POTEC: variants seen among roughly 807,000 people sequenced by gnomAD.
The protein encoded by POTEC is ANKRD26-like family B member 2.
A neutral mutation model predicts 62.0 loss-of-function variants in POTEC; 35 were observed. The observed-to-expected ratio is 0.56, with a 90% CI of 0.43 to 0.75. POTEC has a LOEUF of 0.75. Among genes scored for constraint, POTEC ranks in the 30% least tolerant of loss-of-function variants. The pLI is 0.00. For synonymous variants in POTEC, 156 were observed against 221.5 expected, an observed-to-expected ratio of 0.70 and a Z score of 2.62; for missense variants, 472 against 655.9, an observed-to-expected ratio of 0.72 and a Z score of 3.06.
intron 9 of POTEC, among the ~76,000 whole-genome samples, chr18:14,515,088 C>T (rs1567909746): frequency 1.3e-5 from 2 of 152,002 alleles, no homozygotes; most frequent in African/African-American, 4.8e-5. Flanking sequence ...TTCTATGTTC[C>T]TGGACTGAAA....
intron 9 of POTEC, among the ~76,000 whole-genome samples, chr18:14,516,322 A>G (rs1457142671): frequency 3.4e-4 from 25 of 73,034 alleles, no homozygotes; most frequent in Non-Finnish European, 6.3e-4. Flanking sequence ...ATATATATAT[A>G]TATATATATA....
In POTEC at chr18:14,543,315, G is replaced by A. The variant is rs373560886; in HGVS notation, c.-169C>T. 2 of 1,244,610 alleles carry A rather than the reference G, an allele frequency of 1.6e-6. No individual in the cohort carries two copies. Among genetic ancestry groups the A allele is most frequent in the Non-Finnish European group, 1.1e-6 (1 of 907,654 alleles). 77.1% of individuals were successfully genotyped at this position (1,244,610 alleles called of 1,614,324 possible). ...GGGAGCCCAGTCCACCCCACCCAGG[G>A]AAAACCCACACCCACCCGGGGAAAG... On this transcript the variant is annotated 5_prime_UTR_variant, in exon 1 of 11. Transcript: ENST00000358970.
intron 8 of POTEC, 135 bp from the exon 9 acceptor site, chr18:14,522,555 T>C (rs970897480): frequency 5.7e-6 from 8 of 1,399,344 alleles, no homozygotes; most frequent in African/African-American, 4.4e-5. Context: ...AATTTGATCA[T>C]ATATACAGAA....
At chr18:14,515,653 CAAAT>C (rs148381303) in intron 9 of POTEC, among the ~76,000 whole-genome samples, 20,171 of 149,336 alleles carry the variant, frequency 0.14, 1,490 homozygotes, top group Non-Finnish European at 0.16. Flanking sequence ...AATAAATAAA[CAAAT>C]AAATAAATAA....
At chr18:14,525,101 A>G in intron 6 of POTEC, 118 bp from the exon 7 acceptor site, 1 of 1,445,722 alleles carries the variant, frequency 6.9e-7, no homozygotes, top group Non-Finnish European at 9.3e-7. Context: ...TTGAGTGTTT[A>G]GTCTTTCATG....
In POTEC at chr18:14,537,197, ACACACACAC is replaced by A. The variant is rs1297872279; in HGVS notation, c.810+595_810+603del. Among the ~76,000 whole-genome samples the A allele has an allele frequency of 1.6e-3, 138 of 84,668 alleles. 1 individual carries two copies. Among genetic ancestry groups the A allele is most frequent in the African/African-American group, 0.01 (135 of 13,334 alleles). 55.5% of individuals were successfully genotyped at this position (84,668 alleles called of 152,430 possible). A position where few individuals can be genotyped will look rare whatever the true frequency, so the allele number is the denominator to read the frequency against. ...AACACACACACACACACACACACAC[ACACACACAC>A]ACACAAAAAAAAAAAAAAACAAAAA... On this transcript the variant is annotated intron_variant, in intron 3 of 10. Transcript: ENST00000358970.
intron 3 of POTEC, among the ~76,000 whole-genome samples, chr18:14,535,484 C>T (rs1202372843): frequency 6.6e-6 from 1 of 152,012 alleles, no homozygotes; most frequent in African/African-American, 2.4e-5. Flanking sequence ...ATCACACTGC[C>T]CATTTCAAGA....
intron 1 of POTEC, among the ~76,000 whole-genome samples, chr18:14,539,888 G>A (rs1905874585): frequency 6.6e-6 from 1 of 152,110 alleles, no homozygotes; most frequent in Admixed American, 6.5e-5. Context: ...AGGATCCTGA[G>A]AGATGGCAGA....
intron 6 of POTEC, among the ~76,000 whole-genome samples, chr18:14,529,737 TAGA>T (rs1206566796): frequency 6.6e-6 from 1 of 152,056 alleles, no homozygotes; most frequent in Non-Finnish European, 1.5e-5. Context: ...GACCAGCAGG[TAGA>T]AGAACACATC....
intron 1 of POTEC, among the ~76,000 whole-genome samples, chr18:14,539,726 G>A (rs1164322888): frequency 1.3e-5 from 2 of 151,892 alleles, no homozygotes; most frequent in East Asian, 3.9e-4. Flanking sequence ...GGGCAGTTAA[G>A]GGTTATCTTT....
chr18:14,531,868 A>G (rs1440118247), intron 5 of POTEC: 1 of 151,714 alleles, frequency 6.6e-6, no homozygotes, highest in African/African-American at 2.4e-5. Context: ...TACTTAACCT[A>G]CTTGAGATTC....
At chr18:14,533,635 G>T (rs1440010808) in intron 4 of POTEC, among the ~76,000 whole-genome samples, 1 of 152,170 alleles carries the variant, frequency 6.6e-6, no homozygotes, top group Non-Finnish European at 1.5e-5. Context: ...GGTAAGAATA[G>T]TAGTCACAGG....
chr18:14,529,100 T>C (rs976618267), intron 6 of POTEC: 6 of 438,630 alleles, frequency 1.4e-5, no homozygotes, highest in African/African-American at 6.1e-5. Flanking sequence ...CTACTTTTTT[T>C]CAAAACTTTC....
chr18:14,534,171 G>A (rs1222204990), intron 4 of POTEC, among the ~76,000 whole-genome samples: 3 of 143,278 alleles, frequency 2.1e-5, no homozygotes, highest in South Asian at 2.2e-4. Flanking sequence ...GAGAATATGC[G>A]GTGTTTGGTT....
chr18:14,536,962 G>T (rs1405106516), intron 3 of POTEC, among the ~76,000 whole-genome samples: 1 of 151,650 alleles, frequency 6.6e-6, no homozygotes, highest in East Asian at 1.9e-4. Flanking sequence ...TACTAAGTTG[G>T]TTAATTACTT....
At chr18:14,530,067 G>A (rs570683383) in intron 6 of POTEC, among the ~76,000 whole-genome samples, 92 of 151,844 alleles carry the variant, frequency 6.1e-4, no homozygotes, top group Non-Finnish European at 8.5e-4. Flanking sequence ...TCATATTACC[G>A]CCTGAACTCT....
chr18:14,527,734 G>T (rs973312686), intron 6 of POTEC: 2 of 151,706 alleles, frequency 1.3e-5, no homozygotes, highest in African/African-American at 4.8e-5. Context: ...AACTATTAAT[G>T]TTATTTCTTA....
Position 14,509,658 on chromosome 18 carries a change from T to G in POTEC, c.*2240A>C, listed in dbSNP as rs926795480. On this transcript the variant is annotated 3_prime_UTR_variant, in exon 11 of 11. Coordinates refer to ENST00000358970, the MANE Select transcript of POTEC (RefSeq NM_001137671.2). ...CGGTCCGCTTGTACAGAAGCTATGG[T>G]GTGGGCACCCGAAAGTGCCCTCTAA... 11 of 151,488 alleles carry G rather than the reference T, an allele frequency of 7.3e-5. No individual in the cohort carries two copies. Among genetic ancestry groups the G allele is most frequent in the Non-Finnish European group, 1.3e-4 (9 of 67,908 alleles). The allele number at this position is 151,488 out of a possible 1,614,324, so 9.4% of individuals were successfully genotyped here.
rs1906026845 is a variant in POTEC, at chr18:14,543,295, C to T, written c.-149G>A. The stretch of plus-strand genomic sequence containing the variant: ...AAACTTGCCAACCCCAGCAAGGGAG[C>T]CCAGTCCACCCCACCCAGGGAAAAC... On this transcript the variant is annotated 5_prime_UTR_variant, in exon 1 of 11. Transcript: ENST00000358970. The T allele has an allele frequency of 3.7e-6, 5 of 1,338,796 alleles. No homozygotes were observed. Among genetic ancestry groups the T allele is most frequent in the African/African-American group, 1.5e-5 (1 of 67,534 alleles). 82.9% of individuals were successfully genotyped at this position (1,338,796 alleles called of 1,614,324 possible). A position where few individuals can be genotyped will look rare whatever the true frequency, so the allele number is the denominator to read the frequency against.
Sources: gnomAD v4.1 joint callset for allele counts (sites outside exome capture counted in the v4.1 genomes callset) on GRCh38, gnomAD v4.1.1 for gene constraint, MANE v1.5 for transcripts, NCBI Gene and HGNC (gene_info 2026-07-23, HGNC 2026-07-21) for gene names.